The following CARMIL3 variants were observed in gnomAD, a reference collection of about 807,000 sequenced individuals.
CARMIL3 encodes the protein capping protein regulator and myosin 1 linker 3.
CARMIL3 carries 88 observed loss-of-function variants against 180.8 expected under a neutral mutation model. That is an observed-to-expected ratio of 0.49 (90% confidence interval 0.41 to 0.58). The LOEUF (loss-of-function observed/expected upper bound fraction) is 0.58, where lower values mean the gene tolerates loss of function less well. Ranked by LOEUF, CARMIL3 falls within the 20% of genes least tolerant of loss-of-function variation. The pLI is 0.00. For synonymous variants in CARMIL3, 696 were observed against 714.5 expected (o/e 0.97, Z 0.41); for missense variants, 1,548 against 1,787.0 (o/e 0.87, Z 2.41).
At chr14:24,065,824 C>T (rs558555607) in intron 34 of CARMIL3, 74 bp downstream of exon 34, 13 of 1,567,092 alleles carry the variant, frequency 8.3e-6, no homozygotes, top group East Asian at 2.3e-5. Context: ...CCCACTCCCT[C>T]ATCCCTGGTG....
chr14:24,054,953 C>A lies in CARMIL3; in HGVS notation c.461-113C>A. 1 of 1,407,786 alleles carries A rather than the reference C, an allele frequency of 7.1e-7. No homozygotes were observed. The highest frequency in any genetic ancestry group is 9.9e-7 in the Non-Finnish European group (1 of 1,007,594). 87.2% of individuals were successfully genotyped at this position (1,407,786 alleles called of 1,614,324 possible). ...CTCCCAGACCTCAGGAAGTTCATGG[C>A]ATAGCAAGAACCAAGAGCACTGGCA... On this transcript the variant is annotated intron_variant, in intron 6 of 39. Transcript: ENST00000342740. The surrounding 1 kb of genome is among the most constrained non-coding windows in gnomAD (Gnocchi z 5.1).
rs573176596 is a variant in CARMIL3 at position 24,060,578 on chromosome 14, G to A, written c.2062-50G>A. ...GCACTGTCTAAGGGGTCCTACCTGC[G>A]AAGATGTGGAAGCAGGGGTCCCCTT... On this transcript the variant is annotated intron_variant, in intron 24 of 39. Transcript: ENST00000342740. The A allele has an allele frequency of 5.7e-5, 91 of 1,603,252 alleles. 4 individuals carry two copies. In the South Asian group the frequency reaches 8.2e-4, roughly 14 times the overall value.
rs147462818 is a variant in CARMIL3 at position 24,056,275 on chromosome 14, A to C, written c.771-24A>C. 3,226 of 1,605,148 alleles carry C rather than the reference A, an allele frequency of 2.0e-3. 9 individuals carry two copies. Among genetic ancestry groups the C allele is most frequent in the Middle Eastern group, 0.014 (86 of 6,008 alleles). ...GGGACCTGGGGCTCAGCTCAGGACA[A>C]ATCCTTCCTCCCCTTCCCTGAAGGG... On this transcript the variant is annotated intron_variant, in intron 10 of 39. Transcript: ENST00000342740.
chr14:24,057,959 G>T lies in CARMIL3; in HGVS notation c.1218-1G>T. On this transcript the variant is annotated splice_acceptor_variant, in intron 15 of 39. Transcript: ENST00000342740. LOFTEE classifies it high-confidence loss of function. ...CGCTGACCCCAGGGGTCTCTCCACA[G>T]GAAGGGTCGAGAGGCCCCGCCGGCC... 1 of 1,613,458 alleles carries T rather than the reference G, an allele frequency of 6.2e-7. No homozygotes were observed. The highest frequency in any genetic ancestry group is 8.5e-7 in the Non-Finnish European group (1 of 1,179,984).
At chr14:24,063,913 G>A (rs1448469983) in intron 31 of CARMIL3, among the ~76,000 whole-genome samples, 1 of 151,758 alleles carries the variant, frequency 6.6e-6, no homozygotes, top group African/African-American at 2.4e-5. Flanking sequence ...GGCCAAGATG[G>A]TGAAACCCCA....
rs1173880245 is a variant in CARMIL3, at chr14:24,057,208, C to T, written c.1104C>T (p.His368=). The T allele has an allele frequency of 1.2e-6, 2 of 1,614,002 alleles. No homozygotes were observed. Among genetic ancestry groups the T allele is most frequent in the Non-Finnish European group, 1.7e-6 (2 of 1,179,988 alleles). The stretch of plus-strand genomic sequence containing the variant: ...TGGCCCAACCCAACGCCCTGGTGCA[C>T]CTGGACCTGTCAGGAACTGACTGCG... The part of the protein sequence containing the change: ...SFLAQPNALV[H]LDLSGTDCVI... The change falls in exon 14 of 40, where the codon CAC becomes CAT. Residue 368 remains histidine (H), a synonymous_variant. Coordinates refer to ENST00000342740, the MANE Select transcript of CARMIL3 (RefSeq NM_138360.4).
chr14:24,061,956 G>C lies in CARMIL3; in HGVS notation c.2480+284G>C. On this transcript the variant is annotated intron_variant, in intron 27 of 39. Transcript: ENST00000342740. The surrounding 1 kb of genome is among the most constrained non-coding windows in gnomAD (Gnocchi z 4.1). ...AATGGGATAGCAGGGCCTCCTCGGAGGCATGGACAAAGAAAAGTACCTGAG... is the reference window on the plus strand; with the variant it reads ...AATGGGATAGCAGGGCCTCCTCGGACGCATGGACAAAGAAAAGTACCTGAG... 1 of 397,100 alleles carries C rather than the reference G, an allele frequency of 2.5e-6. No homozygotes were observed. 24.6% of individuals were successfully genotyped at this position (397,100 alleles called of 1,614,324 possible).
At chr14:24,056,132 C>A (rs1307542915) in intron 10 of CARMIL3, among the ~76,000 whole-genome samples, 167 bp from the exon 11 acceptor site, 1 of 152,312 alleles carries the variant, frequency 6.6e-6, no homozygotes, top group Non-Finnish European at 1.5e-5. Context: ...CCCCCAGGTA[C>A]TCCGGAGTGG....
At chr14:24,065,429 G>T in intron 33 of CARMIL3, 156 bp downstream of exon 33, 2 of 1,054,686 alleles carry the variant, frequency 1.9e-6, no homozygotes, top group Admixed American at 3.0e-5. Context: ...AGTGGACTAA[G>T]ACCCAGTGGC....
In CARMIL3 at chr14:24,061,653, G is replaced by A; in HGVS notation, c.2461G>A (p.Asp821Asn). ...RGALLEQAGQ[D>N]IQNKLDEVKL... ...GGCACTGCTGGAGCAAGCAGGACAG[G>A]ACATTCAGAACAAGCTGGAGTGAGA... The change falls in exon 27 of 40, where the codon GAC (aspartate) becomes AAC (asparagine). Residue 821 changes from aspartate (D) to asparagine (N), a missense_variant. Asp to Asn is a conservative substitution (Grantham distance 23). Transcript: ENST00000342740. The surrounding 1 kb of genome is among the most constrained non-coding windows in gnomAD (Gnocchi z 4.1). The A allele has an allele frequency of 6.2e-7, 1 of 1,613,680 alleles. No homozygotes were observed. The highest frequency in any genetic ancestry group is 8.5e-7 in the Non-Finnish European group (1 of 1,179,932).
At chr14:24,063,257 T>C in intron 30 of CARMIL3, 68 bp from the exon 31 acceptor site, 2 of 1,593,652 alleles carry the variant, frequency 1.3e-6, no homozygotes, top group Middle Eastern at 1.7e-4. Context: ...CTTGATTTTT[T>C]CTCTGTCTCC....
Position 24,059,643 on chromosome 14 carries a change from T to G in CARMIL3, c.1800-21T>G. 6.2e-7 allele frequency: 1 copy of G among 1,613,614 alleles called. No individual in the cohort carries two copies. The highest frequency in any genetic ancestry group is 8.5e-7 in the Non-Finnish European group (1 of 1,179,768). The stretch of plus-strand genomic sequence containing the variant: ...GGACCCAGGAGGAGAGGTGCCAAAC[T>G]GGTGCTTACCCTCCCCCCAGAACTA... On this transcript the variant is annotated intron_variant, in intron 21 of 39. Coordinates refer to ENST00000342740, the MANE Select transcript of CARMIL3 (RefSeq NM_138360.4). This position sits in a 1 kb window ranked among gnomAD's most constrained non-coding sequence, Gnocchi z 6.3.
At chr14:24,066,681 G>A in intron 36 of CARMIL3, 25 bp downstream of exon 36, 2 of 1,610,698 alleles carry the variant, frequency 1.2e-6, no homozygotes, top group Non-Finnish European at 1.7e-6. Context: ...TTTTCAGGCA[G>A]CAGTACTGAA....
In CARMIL3 at chr14:24,052,169, G is replaced by C. The variant is rs146065496; in HGVS notation, c.16G>C (p.Val6Leu). The change falls in exon 1 of 40, where the codon GTG (valine) becomes CTG (leucine). Residue 6 changes from valine (V) to leucine (L), a missense_variant. Coordinates refer to ENST00000342740, the MANE Select transcript of CARMIL3 (RefSeq NM_138360.4). ...AGCGGCCGCCATGGCCAAGCCCAGC[G>C]TGGAGCTCACCCGCGAGTTGCAAGG... MAKPSVELTRELQDSI... is the reference protein window; with the variant it reads MAKPSLELTRELQDSI... The C allele has an allele frequency of 1.2e-5, 19 of 1,591,420 alleles. No homozygotes were observed. The highest frequency in any genetic ancestry group is 1.6e-5 in the Non-Finnish European group (19 of 1,173,512).
rs139530518 is a variant in CARMIL3, at chr14:24,057,980, C to T, written c.1238C>T (p.Pro413Leu). 1.1e-4 allele frequency: 171 copies of T among 1,613,516 alleles called. No homozygotes were observed. Among genetic ancestry groups the T allele is most frequent in the South Asian group, 1.9e-4 (17 of 91,088 alleles). Residue 413 changes from proline to leucine, a missense_variant, in exon 16 of 40, where the codon CCG becomes CTG. Physicochemically the swap from Pro to Leu is moderately conservative, Grantham distance 98. Transcript: ENST00000342740. ...CACAGGAAGGGTCGAGAGGCCCCGC[C>T]GGCCTTCAAGCAGTTCTTCAGCAGC... ...CSHRKGREAP[P>L]AFKQFFSSAY...
In CARMIL3 at chr14:24,054,286, G is replaced by A. The variant is rs372108130; in HGVS notation, c.231G>A (p.Thr77=). The change falls in exon 4 of 40, where the codon ACG becomes ACA. Residue 77 remains threonine (T), a synonymous_variant. Transcript: ENST00000342740. The surrounding 1 kb of genome is among the most constrained non-coding windows in gnomAD (Gnocchi z 5.1). ...TCCTGGAGATCCGTGCCTTCAACAC[G>A]CTCAGTCAGAATCAGGTGAGTACCA... The part of the protein sequence containing the change: ...FNVLEIRAFN[T]LSQNQILVET... 93 of 1,614,064 alleles carry A rather than the reference G, an allele frequency of 5.8e-5. No individual in the cohort carries two copies. In the Admixed American group the frequency reaches 7.2e-4, roughly 12 times the overall value.
At chr14:24,052,238 C>T in intron 1 of CARMIL3, 45 bp downstream of exon 1, 1 of 1,539,618 alleles carries the variant, frequency 6.5e-7, no homozygotes, top group Non-Finnish European at 8.7e-7. Context: ...CCGGGAGCAT[C>T]CCAGACCCAG....
At position 24,056,335 on chromosome 14, in the gene CARMIL3, G is replaced by A; in HGVS notation, c.807G>A (p.Glu269=). 6.2e-7 allele frequency: 1 copy of A among 1,614,048 alleles called. No homozygotes were observed. The highest frequency in any genetic ancestry group is 8.5e-7 in the Non-Finnish European group (1 of 1,179,924). ...FVQKLAGVFG[E]NGSCVLHALT... ...AGAAGCTGGCCGGGGTGTTTGGGGA[G>A]AACGGGAGCTGTGTGCTGCATGCCC... is the stretch of plus-strand genomic sequence containing the variant. The change falls in exon 11 of 40, where the codon GAG becomes GAA. Residue 269 remains glutamate, a synonymous_variant. Transcript: ENST00000342740.
chr14:24,065,074 G>A lies in CARMIL3; in HGVS notation c.3197G>A (p.Gly1066Glu), dbSNP rs751594159. The A allele has an allele frequency of 2.5e-5, 40 of 1,593,570 alleles. No individual in the cohort carries two copies. Among genetic ancestry groups the A allele is most frequent in the Non-Finnish European group, 3.4e-5 (40 of 1,172,436 alleles). The change falls in exon 33 of 40, where the codon GGG (glycine) becomes GAG (glutamate). Residue 1066 changes from glycine (G) to glutamate (E), a missense_variant. Coordinates refer to ENST00000342740, the MANE Select transcript of CARMIL3 (RefSeq NM_138360.4). ...FHFRRPRSFK[G>E]DRGPGSPTTG... ...TTTCGCCGGCCCCGGAGCTTCAAGG[G>A]GGACAGGGGGCCGGGGTCCCCTACC...
Sources: gnomAD v4.1 joint callset for allele counts (sites outside exome capture counted in the v4.1 genomes callset) on GRCh38, gnomAD v4.1.1 for gene constraint, Gnocchi (gnomAD v3.1) non-coding constraint, MANE v1.5 for transcripts, NCBI Gene and HGNC (gene_info 2026-07-23, HGNC 2026-07-21) for gene names.